Variants in DLG2 observed in about 807,000 individuals in gnomAD.
The protein encoded by DLG2 is discs large MAGUK scaffold protein 2.
A neutral mutation model predicts 132.5 loss-of-function variants in DLG2; 45 were observed. The observed-to-expected ratio is 0.34, with a 90% CI of 0.27 to 0.44. The LOEUF is 0.44. Among genes scored for constraint, DLG2 ranks in the 20% least tolerant of loss-of-function variants. DLG2 has a pLI of 1.00. For synonymous variants in DLG2, 424 were observed against 419.6 expected, an observed-to-expected ratio of 1.01 and a Z score of -0.13; for missense variants, 1,045 against 1,196.9, an observed-to-expected ratio of 0.87 and a Z score of 1.87.
At chr11:83,726,190 C>T (rs997907902) in intron 18 of DLG2, among the ~76,000 whole-genome samples, 1 of 152,152 alleles carries the variant, frequency 6.6e-6, no homozygotes, top group Non-Finnish European at 1.5e-5. Context: ...TGAATCTGCT[C>T]ATTGCTTGGA....
intron 7 of DLG2, among the ~76,000 whole-genome samples, chr11:84,263,865 T>C (rs1027663404): frequency 6.6e-6 from 1 of 152,208 alleles, no homozygotes; most frequent in Non-Finnish European, 1.5e-5. Context: ...CAGTAATCTG[T>C]AATGTGCTTA....
At chr11:83,941,372 G>A (rs1265769000) in intron 14 of DLG2, among the ~76,000 whole-genome samples, 1 of 150,554 alleles carries the variant, frequency 6.6e-6, no homozygotes, top group African/African-American at 2.4e-5. Context: ...TCTTTTATTT[G>A]TTTTTAAAAT....
chr11:85,555,290 G>T (rs1241495604), intron 3 of DLG2, among the ~76,000 whole-genome samples: 1 of 151,434 alleles, frequency 6.6e-6, no homozygotes, highest in African/African-American at 2.4e-5. Flanking sequence ...TGCACACATG[G>T]TTTCACAAAA....
At chr11:83,506,832 T>C (rs1434630079) in intron 21 of DLG2, among the ~76,000 whole-genome samples, 4 of 152,202 alleles carry the variant, frequency 2.6e-5, no homozygotes, top group South Asian at 4.1e-4. Context: ...ACTTTAACCA[T>C]AGACATCTGA....
intron 4 of DLG2, among the ~76,000 whole-genome samples, chr11:85,163,657 C>T (rs2078211991): frequency 6.6e-6 from 1 of 152,134 alleles, no homozygotes; most frequent in South Asian, 2.1e-4. Context: ...AATCCTTTCA[C>T]TTCCACCTAC....
intron 9 of DLG2, among the ~76,000 whole-genome samples, chr11:84,140,222 T>A (rs374560381): frequency 1.3e-5 from 2 of 152,156 alleles, no homozygotes; most frequent in African/African-American, 4.8e-5. Context: ...TGGGAACCCA[T>A]GTAAACACCT....
intron 7 of DLG2, among the ~76,000 whole-genome samples, chr11:84,503,411 G>T (rs536869557): frequency 6.6e-6 from 1 of 152,290 alleles, no homozygotes; most frequent in Admixed American, 6.5e-5. Context: ...GAGTGAAGAT[G>T]ATTTGAAGCA....
At chr11:84,011,880 A>AT (rs1432152596) in intron 11 of DLG2, among the ~76,000 whole-genome samples, 6 of 152,094 alleles carry the variant, frequency 3.9e-5, no homozygotes, top group African/African-American at 1.4e-4. Flanking sequence ...TAGCACATTT[A>AT]TTTTTTAATT....
chr11:83,514,908 GTGC>G (rs1162387186), intron 21 of DLG2, among the ~76,000 whole-genome samples: 1 of 152,152 alleles, frequency 6.6e-6, no homozygotes, highest in Non-Finnish European at 1.5e-5. Flanking sequence ...GCTTTTTGAT[GTGC>G]TGCTGGATTC....
At chr11:85,140,088 A>G (rs2076369304) in intron 5 of DLG2, among the ~76,000 whole-genome samples, 1 of 151,926 alleles carries the variant, frequency 6.6e-6, no homozygotes, top group Admixed American at 6.6e-5. Flanking sequence ...TTATTTCCCC[A>G]TCTTGGCTAT....
At chr11:85,132,149 T>C (rs1054053276) in intron 5 of DLG2, among the ~76,000 whole-genome samples, 1 of 152,204 alleles carries the variant, frequency 6.6e-6, no homozygotes, top group Non-Finnish European at 1.5e-5. Context: ...TTGATTTTAT[T>C]TCATTCCCAC....
chr11:85,340,059 A>G lies in DLG2; in HGVS notation c.41-54694T>C, dbSNP rs936899539. On this transcript the variant is annotated intron_variant, in intron 3 of 27. Coordinates refer to ENST00000376104, the MANE Select transcript of DLG2 (RefSeq NM_001142699.3). ...GTTGGTGCTAGTGTAAATTGGTTCA[A>G]CCATTGTGGAAGACAGTGTGGCGAT... is the stretch of plus-strand genomic sequence containing the variant. Among the ~76,000 whole-genome samples, 8 of 152,376 alleles carry G rather than the reference A, an allele frequency of 5.3e-5. No homozygotes were observed. In the South Asian group the frequency reaches 6.2e-4, roughly 12 times the overall value.
intron 11 of DLG2, among the ~76,000 whole-genome samples, chr11:84,038,473 T>C (rs1028207321): frequency 1.3e-5 from 2 of 152,006 alleles, no homozygotes; most frequent in Non-Finnish European, 2.9e-5. Context: ...TCGGAATGGC[T>C]ATTATAAAAA....
chr11:83,800,474 C>T (rs1961555), intron 17 of DLG2, among the ~76,000 whole-genome samples: 109,917 of 152,158 alleles, frequency 0.72, 41,078 homozygotes, highest in African/African-American at 0.92. Flanking sequence ...AGTTCCCTTC[C>T]CCTCCTGGAG....
At chr11:84,908,096 T>C (rs75999089) in intron 6 of DLG2, among the ~76,000 whole-genome samples, 3,070 of 152,046 alleles carry the variant, frequency 0.02, 38 homozygotes, top group Middle Eastern at 0.037. Context: ...AAAGAACGAG[T>C]TACCCTTTAG....
intron 3 of DLG2, among the ~76,000 whole-genome samples, chr11:85,331,925 A>T (rs1243819567): frequency 6.6e-6 from 1 of 152,236 alleles, no homozygotes; most frequent in East Asian, 1.9e-4. Context: ...TACAATAAAC[A>T]TACAAGTACA....
At chr11:83,606,963 G>C (rs1239590036) in intron 19 of DLG2, among the ~76,000 whole-genome samples, 1 of 152,156 alleles carries the variant, frequency 6.6e-6, no homozygotes, top group Non-Finnish European at 1.5e-5. Flanking sequence ...AAATTCAGCT[G>C]AATTAAATTT....
intron 11 of DLG2, among the ~76,000 whole-genome samples, chr11:84,016,018 T>C (rs1303638147): frequency 6.6e-6 from 1 of 152,152 alleles, no homozygotes; most frequent in Non-Finnish European, 1.5e-5. Flanking sequence ...AAGCATTCCT[T>C]TTTCTCCACA....
intron 3 of DLG2, among the ~76,000 whole-genome samples, chr11:85,522,639 C>G (rs774359153): frequency 6.6e-6 from 1 of 152,182 alleles, no homozygotes; most frequent in South Asian, 2.1e-4. Context: ...GGGAGCCCAC[C>G]GTTTGCATCA....
Sources: gnomAD v4.1 joint callset for allele counts (sites outside exome capture counted in the v4.1 genomes callset) on GRCh38, gnomAD v4.1.1 for gene constraint, MANE v1.5 for transcripts, NCBI Gene and HGNC (gene_info 2026-07-23, HGNC 2026-07-21) for gene names.